Variants in SH3PXD2B observed in about 807,000 individuals in gnomAD.
SH3PXD2B encodes the protein SH3 and PX domain-containing protein 2B.
SH3PXD2B carries 37 observed loss-of-function variants against 73.1 expected under a neutral mutation model. That is an observed-to-expected ratio of 0.51 (90% CI 0.39 to 0.67). The LOEUF is 0.67. SH3PXD2B is among the 30% of genes least tolerant of loss of function. SH3PXD2B has a pLI of 0.00. For missense variants in SH3PXD2B, 1,053 were observed against 1,197.8 expected (o/e 0.88, Z 1.78); for synonymous variants, 457 against 480.5 (o/e 0.95, Z 0.64).
intron 4 of SH3PXD2B, among the ~76,000 whole-genome samples, chr5:172,389,057 CTT>C (rs113765077): frequency 2.5e-4 from 34 of 136,484 alleles, no homozygotes; most frequent in South Asian, 4.7e-4. Flanking sequence ...TTTACTTTTT[CTT>C]TTTTTTTTTT....
chr5:172,406,599 G>A (rs1435805168), intron 2 of SH3PXD2B, among the ~76,000 whole-genome samples: 2 of 152,062 alleles, frequency 1.3e-5, no homozygotes, highest in East Asian at 1.9e-4. Flanking sequence ...GACCATTCCC[G>A]GCTTTCCTGG....
intron 8 of SH3PXD2B, among the ~76,000 whole-genome samples, chr5:172,355,477 G>A (rs1346447672): frequency 6.6e-6 from 1 of 152,272 alleles, no homozygotes; most frequent in African/African-American, 2.4e-5. Context: ...AAAGAGTGCA[G>A]TCAGTTCTCT....
intron 1 of SH3PXD2B, among the ~76,000 whole-genome samples, chr5:172,434,957 G>A (rs138643432): frequency 8.6e-4 from 131 of 151,836 alleles, no homozygotes; most frequent in African/African-American, 3.0e-3. Flanking sequence ...CTAATTTTTT[G>A]TATTTTTGGT....
At chr5:172,407,754 C>T (rs933715710) in intron 2 of SH3PXD2B, among the ~76,000 whole-genome samples, 2 of 152,124 alleles carry the variant, frequency 1.3e-5, no homozygotes, top group Admixed American at 6.5e-5. Flanking sequence ...GGGGAGGACC[C>T]GAAGTGGGAG....
At chr5:172,364,422 T>C (rs1167057489) in intron 6 of SH3PXD2B, among the ~76,000 whole-genome samples, 1 of 152,162 alleles carries the variant, frequency 6.6e-6, no homozygotes, top group Non-Finnish European at 1.5e-5. Context: ...CCCAGCGCTT[T>C]GGGAAGCCAA....
intron 8 of SH3PXD2B, chr5:172,356,774 A>C (rs1422127805): frequency 1.3e-5 from 2 of 152,524 alleles, no homozygotes; most frequent in Non-Finnish European, 2.9e-5. Context: ...CCTCCATGAG[A>C]CTGGATAGGC....
At chr5:172,399,979 G>C (rs1758390335) in intron 3 of SH3PXD2B, among the ~76,000 whole-genome samples, 1 of 152,158 alleles carries the variant, frequency 6.6e-6, no homozygotes, top group African/African-American at 2.4e-5. Context: ...TCAACCAGGA[G>C]AAGAAGGAAC....
intron 2 of SH3PXD2B, among the ~76,000 whole-genome samples, chr5:172,416,867 C>A (rs1166955376): frequency 1.3e-5 from 2 of 151,958 alleles, no homozygotes; most frequent in African/African-American, 4.8e-5. Flanking sequence ...CACCGTCACA[C>A]CTGGCTAATT....
At position 172,353,489 on chromosome 5, in the gene SH3PXD2B, G is replaced by GC. The variant is rs1757202987; in HGVS notation, c.785+398dup. 6.6e-6 allele frequency among the ~76,000 whole-genome samples: 1 copy of GC among 152,186 alleles called. No individual in the cohort carries two copies. Among genetic ancestry groups the GC allele is most frequent in the Non-Finnish European group, 1.5e-5 (1 of 68,036 alleles). On this transcript the variant is annotated intron_variant, in intron 9 of 12. Transcript: ENST00000311601. This position sits in a 1 kb window ranked among gnomAD's most constrained non-coding sequence, Gnocchi z 4.3. ...TTTGAGAGACGAGGGCAGATTATCAGCCTAGGACGAATTACAGTCCATGAG... is the reference window on the plus strand; with the variant it reads ...TTTGAGAGACGAGGGCAGATTATCAGCCCTAGGACGAATTACAGTCCATGAG...
At chr5:172,366,818 G>A (rs1757537226) in intron 6 of SH3PXD2B, among the ~76,000 whole-genome samples, 1 of 151,330 alleles carries the variant, frequency 6.6e-6, no homozygotes, top group Non-Finnish European at 1.5e-5. Flanking sequence ...TATTTTAGTA[G>A]AGATGGGGTT....
intron 3 of SH3PXD2B, among the ~76,000 whole-genome samples, chr5:172,403,059 C>T (rs962311771): frequency 2.6e-5 from 4 of 152,246 alleles, no homozygotes; most frequent in Non-Finnish European, 5.9e-5. Context: ...GCAGCGGCCC[C>T]GGCCTGTGCC....
intron 5 of SH3PXD2B, among the ~76,000 whole-genome samples, chr5:172,375,554 TCTCTAA>T (rs1242931094): frequency 7.2e-5 from 11 of 152,202 alleles, no homozygotes; most frequent in Non-Finnish European, 1.2e-4. Context: ...CTGCTTGCTG[TCTCTAA>T]CGATTTGCCT....
Position 172,368,500 on chromosome 5 carries a change from A to ATATATATAAAATATATATAT in SH3PXD2B, c.427+5289_427+5290insATATATATATTTTATATATA, listed in dbSNP as rs1757589183. On this transcript the variant is annotated intron_variant, in intron 6 of 12. Transcript: ENST00000311601. Reference sequence around the variant, plus strand: ...TATATATAAAATATATATATATTATATATATATATATAAAATATATATATA... The same window carrying ATATATATAAAATATATATAT: ...TATATATAAAATATATATATATTATATATATATAAAATATATATATTATATATATATAAAATATATATATA... Among the ~76,000 whole-genome samples, 2 of 19,148 alleles carry ATATATATAAAATATATATAT rather than the reference A, an allele frequency of 1.0e-4. 1 individual carries two copies. Among genetic ancestry groups the ATATATATAAAATATATATAT allele is most frequent in the Non-Finnish European group, 1.6e-4 (2 of 12,868 alleles). 12.6% of individuals were successfully genotyped at this position (19,148 alleles called of 152,430 possible). A position where few individuals can be genotyped will look rare whatever the true frequency, so the allele number is the denominator to read the frequency against.
chr5:172,406,185 AAAGG>A, intron 3 of SH3PXD2B, 88 bp downstream of exon 3: 1 of 1,379,210 alleles, frequency 7.3e-7, no homozygotes, highest in Non-Finnish European at 1.0e-6. Context: ...GTCCCCTGAT[AAAGG>A]AAGACAAGCT....
At chr5:172,388,323 T>C (rs904066673) in intron 4 of SH3PXD2B, among the ~76,000 whole-genome samples, 6 of 152,202 alleles carry the variant, frequency 3.9e-5, no homozygotes, top group African/African-American at 9.7e-5. Context: ...TTGGCTTCAG[T>C]TGGTTCACAA....
Position 172,400,545 on chromosome 5 carries a change from A to T in SH3PXD2B, c.232+5732T>A, listed in dbSNP as rs1447885433. Among the ~76,000 whole-genome samples, 4 of 152,316 alleles carry T rather than the reference A, an allele frequency of 2.6e-5. No individual in the cohort carries two copies. In the East Asian group the frequency reaches 5.8e-4, roughly 22 times the overall value. ...GAGCCCAGAACACCCAGAACTTTGG[A>T]AATTGGCTCTTGCCATGTCTGGACT... On this transcript the variant is annotated intron_variant, in intron 3 of 12. Transcript: ENST00000311601.
At chr5:172,332,060 T>G (rs927676329), downstream of SH3PXD2B, among the ~76,000 whole-genome samples, 1 of 152,180 alleles carries the variant, frequency 6.6e-6, no homozygotes, top group South Asian at 2.1e-4. Context: ...GCAAGTAGAC[T>G]GCAAAGAGAA....
At chr5:172,355,758 A>C (rs376202588) in intron 8 of SH3PXD2B, among the ~76,000 whole-genome samples, 24 of 151,820 alleles carry the variant, frequency 1.6e-4, no homozygotes, top group East Asian at 1.6e-3. Context: ...GTTAGCCGGG[A>C]TGGTCTCGAT....
chr5:172,439,105 T>C (rs1759459783), intron 1 of SH3PXD2B, among the ~76,000 whole-genome samples: 1 of 151,204 alleles, frequency 6.6e-6, no homozygotes, highest in Non-Finnish European at 1.5e-5. Context: ...CGGCCTGTGG[T>C]GGTGCGCACC....
Sources: gnomAD v4.1 joint callset for allele counts (sites outside exome capture counted in the v4.1 genomes callset) on GRCh38, gnomAD v4.1.1 for gene constraint, Gnocchi (gnomAD v3.1) non-coding constraint, MANE v1.5 for transcripts, NCBI Gene and HGNC (gene_info 2026-07-23, HGNC 2026-07-21) for gene names.